The following PTPN2 variants were observed in gnomAD, a reference collection of about 807,000 sequenced individuals.
The protein encoded by PTPN2 is tyrosine-protein phosphatase non-receptor type 2.
A neutral mutation model predicts 57.3 loss-of-function variants in PTPN2; 19 were observed. That is an observed-to-expected ratio of 0.33 (90% CI 0.23 to 0.49). PTPN2 has a LOEUF of 0.49. Ranked by LOEUF, PTPN2 falls within the 20% of genes least tolerant of loss-of-function variation. The pLI is 0.99. For synonymous variants in PTPN2, 153 were observed against 164.9 expected (o/e 0.93, Z 0.55); for missense variants, 358 against 501.1 (o/e 0.71, Z 2.73).
chr18:12,871,459 T>G (rs1391900450), intron 1 of PTPN2, among the ~76,000 whole-genome samples: 4 of 152,216 alleles, frequency 2.6e-5, no homozygotes, highest in African/African-American at 9.6e-5. Context: ...GCCATCTGTA[T>G]TTCCGCTCTC....
intron 5 of PTPN2, 118 bp downstream of exon 5, chr18:12,825,692 C>A: frequency 1.1e-6 from 1 of 899,456 alleles, no homozygotes; most frequent in South Asian, 2.9e-5. Context: ...GTGATTATGG[C>A]TAGATACTAT....
chr18:12,851,019 C>T (rs1490484826), intron 2 of PTPN2, among the ~76,000 whole-genome samples: 3 of 152,032 alleles, frequency 2.0e-5, no homozygotes, highest in Non-Finnish European at 4.4e-5. Flanking sequence ...GGATTACAGG[C>T]GTGAGCCACA....
At chr18:12,850,038 C>T (rs2043342227) in intron 2 of PTPN2, among the ~76,000 whole-genome samples, 1 of 152,126 alleles carries the variant, frequency 6.6e-6, no homozygotes, top group Admixed American at 6.6e-5. Context: ...GTTGATCAGT[C>T]TTACCGAGGC....
chr18:12,870,507 G>GTTGT (rs1555679749), intron 1 of PTPN2, among the ~76,000 whole-genome samples: 646 of 62,384 alleles, frequency 0.01, 12 homozygotes, highest in African/African-American at 0.02. Context: ...AGAAAAGCGT[G>GTTGT]TTGTTTTTTT....
intron 1 of PTPN2, among the ~76,000 whole-genome samples, chr18:12,860,715 T>C (rs987467333): frequency 5.9e-5 from 9 of 152,176 alleles, no homozygotes; most frequent in African/African-American, 1.2e-4. Context: ...TGAGCTGAGA[T>C]TGCGCCACTG....
At chr18:12,792,064 GCAGA>G (rs1017878738), downstream of PTPN2, 28 of 274,530 alleles carry the variant, frequency 1.0e-4, no homozygotes, top group African/African-American at 5.9e-4. Context: ...CAGGTTTAAT[GCAGA>G]CAGACATAAA....
chr18:12,870,488 GAGAGAGAGAGAA>G (rs2044226228), intron 1 of PTPN2, among the ~76,000 whole-genome samples: 1 of 101,574 alleles, frequency 9.8e-6, no homozygotes, highest in East Asian at 4.4e-4. Flanking sequence ...GAGAGAGAGA[GAGAGAGAGAGAA>G]AAGCGTGTTG....
intron 1 of PTPN2, chr18:12,861,959 G>A (rs2043821768): frequency 6.6e-6 from 1 of 152,100 alleles, no homozygotes. Context: ...CCAAGTTCTT[G>A]GGGTTAAGAA....
intron 3 of PTPN2, among the ~76,000 whole-genome samples, chr18:12,833,464 C>T (rs2042739970): frequency 6.6e-6 from 1 of 152,142 alleles, no homozygotes; most frequent in Non-Finnish European, 1.5e-5. Flanking sequence ...ATTAAACCAT[C>T]AGGTCTTAGG....
intron 1 of PTPN2, among the ~76,000 whole-genome samples, chr18:12,864,978 A>C (rs79661345): frequency 6.9e-5 from 1 of 14,562 alleles, no homozygotes; most frequent in South Asian, 6.7e-3. Flanking sequence ...GGGACTCTCA[A>C]AAGTCTCAGG....
intron 8 of PTPN2, among the ~76,000 whole-genome samples, chr18:12,796,948 C>G (rs1198559544): frequency 6.6e-6 from 1 of 152,138 alleles, no homozygotes; most frequent in Non-Finnish European, 1.5e-5. Flanking sequence ...GTTTTGCTAT[C>G]TTTGTTCATC....
At chr18:12,834,217 C>T (rs1471692988) in intron 3 of PTPN2, among the ~76,000 whole-genome samples, 1 of 151,390 alleles carries the variant, frequency 6.6e-6, no homozygotes, top group African/African-American at 2.4e-5. Context: ...ATCCCAGCTA[C>T]TTGGGAGGCT....
rs2041069456 is a variant in PTPN2 at position 12,794,030 on chromosome 18, A to G, written c.*248T>C. On this transcript the variant is annotated 3_prime_UTR_variant, in exon 9 of 9. Coordinates refer to ENST00000309660, the MANE Select transcript of PTPN2 (RefSeq NM_002828.4). ...TGACATGTATGAATACAGTTGCAAA[A>G]TTTACCAGTTTTTAACAAACATGAA... 7.3e-7 allele frequency: 1 copy of G among 1,374,242 alleles called. No individual in the cohort carries two copies. Among genetic ancestry groups the G allele is most frequent in the African/African-American group, 1.5e-5 (1 of 68,812 alleles). 85.1% of individuals were successfully genotyped at this position (1,374,242 alleles called of 1,614,324 possible).
intron 1 of PTPN2, chr18:12,863,242 A>AG (rs1199790885): frequency 2.0e-5 from 3 of 152,140 alleles, no homozygotes; most frequent in Admixed American, 6.6e-5. Context: ...GGATCACTTG[A>AG]GGGTAGGAGT....
intron 2 of PTPN2, among the ~76,000 whole-genome samples, chr18:12,858,723 CTCTGTTT>C (rs1364548280): frequency 6.6e-6 from 1 of 152,128 alleles, no homozygotes; most frequent in African/African-American, 2.4e-5. Context: ...TTATACTCTT[CTCTGTTT>C]TCTAAGTTTT....
chr18:12,794,097 G>A lies in PTPN2; in HGVS notation c.*181C>T. Reference sequence around the variant, plus strand: ...AGCCATTTACAGTTTGGGGTTCAGAGGAACCTGCAGTCAAGAGTCCTGAGA... The same window carrying A: ...AGCCATTTACAGTTTGGGGTTCAGAAGAACCTGCAGTCAAGAGTCCTGAGA... On this transcript the variant is annotated 3_prime_UTR_variant, in exon 9 of 9. Transcript: ENST00000309660. 7.0e-7 allele frequency: 1 copy of A among 1,433,796 alleles called. No individual in the cohort carries two copies. The highest frequency in any genetic ancestry group is 2.5e-5 in the East Asian group (1 of 40,166). The allele number at this position is 1,433,796 out of a possible 1,614,324, so 88.8% of individuals were successfully genotyped here.
intron 7 of PTPN2, among the ~76,000 whole-genome samples, chr18:12,812,807 A>C (rs2041938286): frequency 6.6e-6 from 1 of 152,152 alleles, no homozygotes; most frequent in South Asian, 2.1e-4. Flanking sequence ...TGTTTCCAAT[A>C]TCCTATCTGG....
Position 12,792,175 on chromosome 18 carries a change from T to G in PTPN2, c.*2103A>C. Reference sequence around the variant, plus strand: ...CATGTTATATAAATCTTATTTAATATGTAGTACCACCTACATCCTGCTTTC... The same window carrying G: ...CATGTTATATAAATCTTATTTAATAGGTAGTACCACCTACATCCTGCTTTC... On this transcript the variant is annotated 3_prime_UTR_variant, in exon 9 of 9. Coordinates refer to ENST00000309660, the MANE Select transcript of PTPN2 (RefSeq NM_002828.4). 1.1e-6 allele frequency: 1 copy of G among 895,980 alleles called. No individual in the cohort carries two copies. Among genetic ancestry groups the G allele is most frequent in the Non-Finnish European group, 1.3e-6 (1 of 747,888 alleles). 55.5% of individuals were successfully genotyped at this position (895,980 alleles called of 1,614,324 possible).
At chr18:12,861,662 A>AAAC (rs1012974558) in intron 1 of PTPN2, among the ~76,000 whole-genome samples, 3 of 152,330 alleles carry the variant, frequency 2.0e-5, no homozygotes, top group Middle Eastern at 3.4e-3. Context: ...AATGGGATTA[A>AAAC]AACAACAACA....
Sources: allele counts gnomAD v4.1 joint callset (sites outside exome capture counted in the v4.1 genomes callset), GRCh38; gene constraint gnomAD v4.1.1; transcripts MANE v1.5; gene names NCBI Gene and HGNC (gene_info 2026-07-23, HGNC 2026-07-21).